BRAF: variants seen among roughly 807,000 people sequenced by gnomAD.
BRAF encodes serine/threonine-protein kinase B-raf.
BRAF carries 16 observed loss-of-function variants against 104.6 expected under a neutral mutation model. That is an observed-to-expected ratio of 0.15 (90% CI 0.10 to 0.23). The LOEUF is 0.23. BRAF is among the 10% of genes least tolerant of loss of function. The pLI, the probability that BRAF is intolerant of heterozygous loss-of-function variation, is 1.00. For missense variants in BRAF, 541 were observed against 937.3 expected (o/e 0.58, Z 5.52); for synonymous variants, 310 against 341.6 (o/e 0.91, Z 1.02).
At chr7:140,852,289 A>G (rs1412700564) in intron 1 of BRAF, among the ~76,000 whole-genome samples, 1 of 151,492 alleles carries the variant, frequency 6.6e-6, no homozygotes, top group Non-Finnish European at 1.5e-5. Flanking sequence ...GGATTACCTG[A>G]GCCCAGGAGG....
rs372856713 is a variant in BRAF, at chr7:140,814,765, T to A, written c.505-5770A>T. On this transcript the variant is annotated intron_variant, in intron 3 of 19. Transcript: ENST00000644969. ...TATATACAATATATAACATATATAT[T>A]ATATATAACATATATATTATATATA... 8.8e-5 allele frequency among the ~76,000 whole-genome samples: 12 copies of A among 136,810 alleles called. No individual in the cohort carries two copies. In the East Asian group the frequency reaches 1.0e-3, roughly 12 times the overall value. 89.8% of individuals were successfully genotyped at this position (136,810 alleles called of 152,430 possible). A position where few individuals can be genotyped will look rare whatever the true frequency, so the allele number is the denominator to read the frequency against.
intron 2 of BRAF, chr7:140,835,116 T>C (rs1807187445): frequency 3.9e-6 from 2 of 509,360 alleles, no homozygotes; most frequent in South Asian, 2.6e-5. Flanking sequence ...ATATGTGATA[T>C]CTAGATGGTC....
chr7:140,801,686 A>G (rs1803132140), intron 5 of BRAF, 126 bp from the exon 6 acceptor site: 2 of 1,059,952 alleles, frequency 1.9e-6, no homozygotes, highest in Non-Finnish European at 2.8e-6. Flanking sequence ...CTCACATACT[A>G]AAGTACTATT....
chr7:140,783,163 T>A lies in BRAF; in HGVS notation c.1298-6A>T. 6.2e-7 allele frequency: 1 copy of A among 1,613,814 alleles called. No individual in the cohort carries two copies. Among genetic ancestry groups the A allele is most frequent in the Non-Finnish European group, 8.5e-7 (1 of 1,179,880 alleles). On this transcript the variant is annotated splice_polypyrimidine_tract_variant and splice_region_variant and intron_variant, in intron 10 of 19. Transcript: ENST00000644969. ...AGACAAACCTGTGGTTGATCCTAAATTAGTGAAAAGAAAAATGTATACATT... is the reference window on the plus strand; with the variant it reads ...AGACAAACCTGTGGTTGATCCTAAAATAGTGAAAAGAAAAATGTATACATT...
At chr7:140,872,489 A>G (rs1054694698) in intron 1 of BRAF, among the ~76,000 whole-genome samples, 1 of 152,184 alleles carries the variant, frequency 6.6e-6, no homozygotes, top group African/African-American at 2.4e-5. Context: ...AATAACAAAG[A>G]AAATTTAAGA....
At chr7:140,779,764 T>A (rs1441423878) in intron 12 of BRAF, 2 of 152,164 alleles carry the variant, frequency 1.3e-5, no homozygotes, top group Admixed American at 6.5e-5. Flanking sequence ...AAAACTCGTC[T>A]CTACTCAAAA....
At chr7:140,921,637 T>C (rs1432815359) in intron 1 of BRAF, among the ~76,000 whole-genome samples, 7 of 152,062 alleles carry the variant, frequency 4.6e-5, no homozygotes, top group African/African-American at 1.7e-4. Flanking sequence ...AAAGAACAGA[T>C]GGAATACACC....
At chr7:140,905,054 A>G (rs1407082035) in intron 1 of BRAF, among the ~76,000 whole-genome samples, 2 of 152,210 alleles carry the variant, frequency 1.3e-5, no homozygotes, top group Non-Finnish European at 2.9e-5. Flanking sequence ...TTGTTTTACA[A>G]CATTATTACT....
chr7:140,894,457 G>A (rs1047013831), intron 1 of BRAF, among the ~76,000 whole-genome samples: 1 of 152,072 alleles, frequency 6.6e-6, no homozygotes, highest in African/African-American at 2.4e-5. Flanking sequence ...CAATGACAAG[G>A]TTTATATCTC....
Position 140,722,216 on chromosome 7 carries a change from C to G in BRAF, c.*4278G>C, listed in dbSNP as rs1275388154. The G allele has an allele frequency of 9.5e-7, 1 of 1,056,118 alleles. No individual in the cohort carries two copies. Among genetic ancestry groups the G allele is most frequent in the Non-Finnish European group, 1.1e-6 (1 of 873,398 alleles). The allele number at this position is 1,056,118 out of a possible 1,614,324, so 65.4% of individuals were successfully genotyped here. ...ATCTGACTATACTAGGGATTATGTG[C>G]TTTAAAAAAATAATTTTGTTCACTG... On this transcript the variant is annotated 3_prime_UTR_variant, in exon 20 of 20. Coordinates refer to ENST00000644969, the MANE Select transcript of BRAF (RefSeq NM_001374258.1).
chr7:140,855,298 TA>T (rs1291465191), intron 1 of BRAF, among the ~76,000 whole-genome samples: 2 of 151,890 alleles, frequency 1.3e-5, no homozygotes, highest in Non-Finnish European at 2.9e-5. Context: ...ATGAAAAAAT[TA>T]AAAACAAAAC....
At position 140,722,292 on chromosome 7, in the gene BRAF, C is replaced by T. The variant is rs891541357; in HGVS notation, c.*4202G>A. 10 of 1,055,796 alleles carry T rather than the reference C, an allele frequency of 9.5e-6. No individual in the cohort carries two copies. Among genetic ancestry groups the T allele is most frequent in the Admixed American group, 1.1e-4 (2 of 18,390 alleles). The allele number at this position is 1,055,796 out of a possible 1,614,324, so 65.4% of individuals were successfully genotyped here. On this transcript the variant is annotated 3_prime_UTR_variant, in exon 20 of 20. Transcript: ENST00000644969. ...TGTTAAATGTGATTTTGGCTATAAACTCTTTAGTGCATTTACCTATGCAGT... is the reference window on the plus strand; with the variant it reads ...TGTTAAATGTGATTTTGGCTATAAATTCTTTAGTGCATTTACCTATGCAGT...
intron 1 of BRAF, among the ~76,000 whole-genome samples, chr7:140,914,864 C>A (rs1341586413): frequency 6.7e-6 from 1 of 150,110 alleles, no homozygotes; most frequent in African/African-American, 2.5e-5. Flanking sequence ...ATGGTGAAAT[C>A]CCATCTCTAC....
Position 140,794,246 on chromosome 7 carries a change from T to G in BRAF, c.1140+62A>C, listed in dbSNP as rs1288369030. On this transcript the variant is annotated intron_variant, in intron 8 of 19. Transcript: ENST00000644969. ...TTATTTCTGATCTAAGTTATAATTA[T>G]AGCAGAAAAATAAAGATACATACTT... The G allele has an allele frequency of 1.9e-6, 3 of 1,573,330 alleles. No homozygotes were observed. The Admixed American group carries it at 5.0e-5, about 26-fold the overall frequency.
chr7:140,838,577 C>T (rs1294795937), intron 2 of BRAF, among the ~76,000 whole-genome samples: 1 of 152,148 alleles, frequency 6.6e-6, no homozygotes, highest in Non-Finnish European at 1.5e-5. Context: ...TTCTCAAAAT[C>T]TCAATTTTTT....
rs1021991874 is a variant in BRAF at position 140,724,313 on chromosome 7, A to C, written c.*2181T>G. 12 of 1,056,638 alleles carry C rather than the reference A, an allele frequency of 1.1e-5. No homozygotes were observed. In the Admixed American group the frequency reaches 2.2e-4, roughly 19 times the overall value. 65.5% of individuals were successfully genotyped at this position (1,056,638 alleles called of 1,614,324 possible). A position where few individuals can be genotyped will look rare whatever the true frequency, so the allele number is the denominator to read the frequency against. ...CAAGCCCAGGTCTCTCTACCTGCGG[A>C]AACTTGAAGCCAATCTTGGTAAAGG... On this transcript the variant is annotated 3_prime_UTR_variant, in exon 20 of 20. Coordinates refer to ENST00000644969, the MANE Select transcript of BRAF (RefSeq NM_001374258.1).
At position 140,784,053 on chromosome 7, in the gene BRAF, T is replaced by C. The variant is rs562834805; in HGVS notation, c.1298-896A>G. ...AAGAGTTCAGGGCAGTGAATCTTAC[T>C]GGGGCCTGAATACAGCTGAGTAGAA... On this transcript the variant is annotated intron_variant, in intron 10 of 19. Transcript: ENST00000644969. 8.6e-4 allele frequency among the ~76,000 whole-genome samples: 131 copies of C among 152,244 alleles called. No individual in the cohort carries two copies. The highest frequency in any genetic ancestry group is 1.7e-3 in the Non-Finnish European group (114 of 68,018).
chr7:140,917,960 G>T (rs1363358037), intron 1 of BRAF, among the ~76,000 whole-genome samples: 1 of 152,132 alleles, frequency 6.6e-6, no homozygotes, highest in Non-Finnish European at 1.5e-5. Flanking sequence ...TATTGTTGAG[G>T]AATTGTGAGA....
intron 19 of BRAF, chr7:140,731,445 A>G (rs991552925): frequency 2.6e-5 from 4 of 152,216 alleles, no homozygotes; most frequent in African/African-American, 9.6e-5. Flanking sequence ...ATGCTCAACA[A>G]TTTTCAATCA....
Sources: allele counts gnomAD v4.1 joint callset (sites outside exome capture counted in the v4.1 genomes callset), GRCh38; gene constraint gnomAD v4.1.1; transcripts MANE v1.5; gene names NCBI Gene and HGNC (gene_info 2026-07-23, HGNC 2026-07-21).